TENM3: variants seen among roughly 807,000 people sequenced by gnomAD.
TENM3 encodes teneurin transmembrane protein 3, also known as teneurin-3.
TENM3 carries 63 observed loss-of-function variants against 255.1 expected under a neutral mutation model. That is an observed-to-expected ratio of 0.25 (90% CI 0.20 to 0.30). The LOEUF (loss-of-function observed/expected upper bound fraction) is 0.30, where lower values mean the gene tolerates loss of function less well. Ranked by LOEUF, TENM3 falls within the 10% of genes least tolerant of loss-of-function variation. The pLI is 1.00. For synonymous variants in TENM3, 1,306 were observed against 1,322.3 expected, an observed-to-expected ratio of 0.99 and a Z score of 0.27; for missense variants, 2,929 against 3,461.1, an observed-to-expected ratio of 0.85 and a Z score of 3.86.
intron 12 of TENM3, among the ~76,000 whole-genome samples, chr4:182,696,014 A>AC: frequency 6.6e-6 from 1 of 152,338 alleles, no homozygotes; most frequent in South Asian, 2.1e-4. Context: ...ACATGAGTGC[A>AC]CCAGAAAAAG....
chr4:181,621,529 G>A, the TENM3 span, among the ~76,000 whole-genome samples: 2 of 152,076 alleles, frequency 1.3e-5, no homozygotes, highest in Non-Finnish European at 2.9e-5. Flanking sequence ...CTCTGCCATC[G>A]TAAGCAGTGT....
At chr4:182,111,175 A>G in the TENM3 span, among the ~76,000 whole-genome samples, 4 of 148,302 alleles carry the variant, frequency 2.7e-5, no homozygotes, top group Admixed American at 1.3e-4. Context: ...ATCCGGATAT[A>G]CAAGTCTTCT....
At chr4:181,815,294 T>C in the TENM3 span, among the ~76,000 whole-genome samples, 1 of 124,328 alleles carries the variant, frequency 8.0e-6, no homozygotes, top group African/African-American at 3.0e-5. Context: ...TCTACAAAAA[T>C]ACAAAAAAAA....
chr4:181,588,983 T>G, the TENM3 span, among the ~76,000 whole-genome samples: 2 of 152,222 alleles, frequency 1.3e-5, no homozygotes, highest in Admixed American at 1.3e-4. Flanking sequence ...TCCTCCTTAT[T>G]CCACTCAGTG....
At chr4:181,896,280 A>G in the TENM3 span, among the ~76,000 whole-genome samples, 2 of 152,146 alleles carry the variant, frequency 1.3e-5, no homozygotes. Context: ...TTTCTATAAA[A>G]CTGACCTTAA....
chr4:181,456,123 A>ATGTGTGTGTGTG, the TENM3 span, among the ~76,000 whole-genome samples: 2 of 93,436 alleles, frequency 2.1e-5, no homozygotes, highest in Middle Eastern at 5.5e-3. Flanking sequence ...GTATATATAT[A>ATGTGTGTGTGTG]TATATGTGTG....
intron 6 of TENM3, among the ~76,000 whole-genome samples, chr4:182,659,577 A>G (rs914537008): frequency 6.6e-6 from 1 of 152,204 alleles, no homozygotes; most frequent in African/African-American, 2.4e-5. Context: ...TCACTGGTCC[A>G]GGAGGCCCGG....
chr4:181,746,234 C>A, the TENM3 span, among the ~76,000 whole-genome samples: 1 of 152,090 alleles, frequency 6.6e-6, no homozygotes, highest in Non-Finnish European at 1.5e-5. Flanking sequence ...ATGAACAAAT[C>A]TAGACTGCAA....
chr4:182,316,209 GAAGTT>G (rs1383952773), intron 1 of TENM3, among the ~76,000 whole-genome samples: 1 of 152,170 alleles, frequency 6.6e-6, no homozygotes, highest in African/African-American at 2.4e-5. Context: ...TGTGCAAAAA[GAAGTT>G]AAGCGACTTG....
intron 3 of TENM3, among the ~76,000 whole-genome samples, chr4:182,502,769 C>A (rs1225512267): frequency 6.6e-6 from 1 of 151,932 alleles, no homozygotes; most frequent in Non-Finnish European, 1.5e-5. Flanking sequence ...CCAATATTTT[C>A]TTTCCTCATA....
chr4:181,682,908 G>A, the TENM3 span, among the ~76,000 whole-genome samples: 15 of 151,916 alleles, frequency 9.9e-5, no homozygotes, highest in East Asian at 3.9e-4. Context: ...TCTCAGGGGC[G>A]GCTTGTAACA....
chr4:181,911,956 A>G, the TENM3 span, among the ~76,000 whole-genome samples: 1,287 of 152,356 alleles, frequency 8.4e-3, 21 homozygotes, highest in African/African-American at 0.029. Context: ...ATTATGGCCT[A>G]CTACAAATAA....
intron 1 of TENM3, among the ~76,000 whole-genome samples, chr4:182,157,266 C>G (rs1352087015): frequency 1.3e-5 from 2 of 152,182 alleles, no homozygotes; most frequent in African/African-American, 2.4e-5. Flanking sequence ...CCAACCCAGT[C>G]GAGGCCGGAG....
At chr4:181,721,257 G>T in the TENM3 span, among the ~76,000 whole-genome samples, 2 of 151,902 alleles carry the variant, frequency 1.3e-5, no homozygotes, top group South Asian at 4.2e-4. Context: ...AGGTAGAGTT[G>T]TGAATGTCAT....
At chr4:181,883,492 G>A in the TENM3 span, among the ~76,000 whole-genome samples, 1 of 152,100 alleles carries the variant, frequency 6.6e-6, no homozygotes, top group Non-Finnish European at 1.5e-5. Flanking sequence ...TGTTGTTGAG[G>A]CGGAGTCTCG....
the TENM3 span, among the ~76,000 whole-genome samples, chr4:182,016,790 C>T: frequency 6.6e-6 from 1 of 152,024 alleles, no homozygotes; most frequent in African/African-American, 2.4e-5. Context: ...AAAATTACCT[C>T]GAAGTTTGTT....
At chr4:181,869,329 AT>A in the TENM3 span, among the ~76,000 whole-genome samples, 1 of 152,144 alleles carries the variant, frequency 6.6e-6, no homozygotes, top group Admixed American at 6.6e-5. Context: ...TTAAACATGT[AT>A]TTAATTTATC....
the TENM3 span, among the ~76,000 whole-genome samples, chr4:181,493,830 C>T: frequency 6.6e-6 from 1 of 151,998 alleles, no homozygotes; most frequent in African/African-American, 2.4e-5. Flanking sequence ...GCCTACGTAC[C>T]AATGATCCCA....
chr4:182,799,811 C>G lies in TENM3; in HGVS notation c.7560C>G (p.Asp2520Glu). 1 of 1,608,776 alleles carries G rather than the reference C, an allele frequency of 6.2e-7. No individual in the cohort carries two copies. The highest frequency in any genetic ancestry group is 8.5e-7 in the Non-Finnish European group (1 of 1,177,902). ...ACGTGCTCAACATCGCCAACGAGGA[C>G]TGCATCAAGGTGGCGGCCGTGCTCA... is the stretch of plus-strand genomic sequence containing the variant. The part of the protein sequence containing the change: ...QTNVLNIANE[D>E]CIKVAAVLNN... Residue 2520 changes from aspartate (D) to glutamate (E), a missense_variant, in exon 28 of 28, where the codon GAC becomes GAG. By Grantham distance (45) the Asp-to-Glu change is conservative. Coordinates refer to ENST00000511685, the MANE Select transcript of TENM3 (RefSeq NM_001080477.4). The surrounding 1 kb of genome is among the most constrained non-coding windows in gnomAD (Gnocchi z 4.2).
Sources: allele counts gnomAD v4.1 joint callset (sites outside exome capture counted in the v4.1 genomes callset), GRCh38; gene constraint gnomAD v4.1.1; non-coding constraint Gnocchi (gnomAD v3.1); transcripts MANE v1.5; gene names NCBI Gene and HGNC (gene_info 2026-07-23, HGNC 2026-07-21).